The following MCC variants were observed in gnomAD, a reference collection of about 807,000 sequenced individuals.
The protein encoded by MCC is colorectal mutant cancer protein.
Under a neutral mutation model 116.2 loss-of-function variants are expected in MCC, and 90 were observed. The ratio of observed to expected loss-of-function variants is 0.77; its 90% CI spans 0.65 to 0.92. MCC has a LOEUF of 0.92. MCC is among the 40% of genes least tolerant of loss of function. The pLI, the probability that MCC is intolerant of heterozygous loss-of-function variation, is 0.00. For synonymous variants in MCC, 578 were observed against 510.5 expected (o/e 1.13, Z -1.78); for missense variants, 1,516 against 1,312.2 (o/e 1.16, Z -2.40).
intron 2 of MCC, among the ~76,000 whole-genome samples, chr5:113,352,839 T>A (rs994745001): frequency 2.6e-5 from 4 of 152,196 alleles, no homozygotes; most frequent in African/African-American, 9.6e-5. Flanking sequence ...AGAAGAAACT[T>A]TGTAAATACA....
intron 2 of MCC, among the ~76,000 whole-genome samples, chr5:113,354,595 C>T (rs918304405): frequency 6.6e-6 from 1 of 151,792 alleles, no homozygotes; most frequent in African/African-American, 2.4e-5. Context: ...CCACCACACC[C>T]AGCTAATTTT....
intron 3 of MCC, among the ~76,000 whole-genome samples, chr5:113,338,260 A>G (rs1449795240): frequency 6.6e-6 from 1 of 152,220 alleles, no homozygotes; most frequent in South Asian, 2.1e-4. Flanking sequence ...AGGAAATGTT[A>G]GGCAGTGTTC....
chr5:113,166,719 A>C (rs949499020), intron 3 of MCC, among the ~76,000 whole-genome samples: 61 of 148,666 alleles, frequency 4.1e-4, no homozygotes, highest in East Asian at 1.4e-3. Flanking sequence ...AAAAAAAAAA[A>C]AAACAACCAA....
chr5:113,155,796 T>C (rs1271210561), intron 3 of MCC, among the ~76,000 whole-genome samples: 3 of 152,208 alleles, frequency 2.0e-5, no homozygotes, highest in Non-Finnish European at 4.4e-5. Flanking sequence ...CCTCAACACA[T>C]ATTTCTCTTC....
At chr5:113,094,880 C>T (rs531175703) in intron 8 of MCC, among the ~76,000 whole-genome samples, 4 of 152,248 alleles carry the variant, frequency 2.6e-5, no homozygotes, top group South Asian at 2.1e-4. Flanking sequence ...TCACAATCTC[C>T]GTGGCTCAAG....
chr5:113,456,535 C>A (rs1771552147), intron 1 of MCC, among the ~76,000 whole-genome samples: 1 of 151,150 alleles, frequency 6.6e-6, no homozygotes, highest in African/African-American at 2.4e-5. Flanking sequence ...TGGCTCACTG[C>A]AAGCTCTGCC....
chr5:113,122,875 C>T, intron 5 of MCC, 49 bp from the exon 6 acceptor site: 1 of 1,579,262 alleles, frequency 6.3e-7, no homozygotes, highest in Non-Finnish European at 8.7e-7. Context: ...TATAAGACAA[C>T]CCCCTAGAGA....
intron 3 of MCC, among the ~76,000 whole-genome samples, chr5:113,170,155 A>T (rs1357539393): frequency 1.3e-5 from 2 of 152,234 alleles, no homozygotes; most frequent in African/African-American, 4.8e-5. Context: ...CTTCATAGAA[A>T]GAAGCTTGAC....
At chr5:113,331,785 C>T (rs986633967) in intron 3 of MCC, among the ~76,000 whole-genome samples, 1 of 101,242 alleles carries the variant, frequency 9.9e-6, no homozygotes, top group Non-Finnish European at 1.9e-5. Flanking sequence ...TACAGGCACC[C>T]GCCACCACAA....
In MCC at chr5:113,023,551, C is replaced by G. The variant is rs1286520932; in HGVS notation, c.*3751G>C. 2 of 152,226 alleles carry G rather than the reference C, an allele frequency of 1.3e-5. No homozygotes were observed. The highest frequency in any genetic ancestry group is 4.8e-5 in the African/African-American group (2 of 41,460). The allele number at this position is 152,226 out of a possible 1,614,324, so 9.4% of individuals were successfully genotyped here. The stretch of plus-strand genomic sequence containing the variant: ...CCCTAATTAAGGTCAGTGCAGAAAT[C>G]TCAACCATTACAGAAGTCTCTTACT... On this transcript the variant is annotated 3_prime_UTR_variant, in exon 19 of 19. Coordinates refer to ENST00000408903, the MANE Select transcript of MCC (RefSeq NM_001085377.2).
At chr5:113,085,348 C>T in intron 8 of MCC, 38 bp from the exon 9 acceptor site, 2 of 1,569,072 alleles carry the variant, frequency 1.3e-6, no homozygotes, top group Non-Finnish European at 1.7e-6. Flanking sequence ...TTGGTGGTTT[C>T]CCTGGCTAAA....
intron 3 of MCC, among the ~76,000 whole-genome samples, chr5:113,292,647 C>T (rs955370511): frequency 1.3e-5 from 2 of 152,152 alleles, no homozygotes; most frequent in Non-Finnish European, 2.9e-5. Context: ...TGCTCAAGGA[C>T]GTGCCAATAG....
intron 1 of MCC, among the ~76,000 whole-genome samples, chr5:113,407,507 G>A (rs1198216976): frequency 6.6e-6 from 1 of 152,180 alleles, no homozygotes; most frequent in Non-Finnish European, 1.5e-5. Flanking sequence ...TGGTGAGCCA[G>A]TGTCTCCCCT....
chr5:113,375,707 A>T (rs142801844), intron 2 of MCC, among the ~76,000 whole-genome samples: 58 of 151,964 alleles, frequency 3.8e-4, no homozygotes, highest in African/African-American at 1.3e-3. Context: ...AACTTTTGTT[A>T]GTCTAGTCCA....
At chr5:113,396,476 C>CAAA (rs10632667) in intron 1 of MCC, among the ~76,000 whole-genome samples, 40,443 of 143,710 alleles carry the variant, frequency 0.28, 5,919 homozygotes, top group African/African-American at 0.35. Context: ...ACTAACAATA[C>CAAA]AAAAAAAAAA....
intron 1 of MCC, among the ~76,000 whole-genome samples, chr5:113,412,559 T>C (rs1441614391): frequency 2.6e-5 from 4 of 152,184 alleles, no homozygotes; most frequent in Admixed American, 1.3e-4. Context: ...CACTCATAAT[T>C]TGGCTCTCTG....
chr5:113,054,752 T>G (rs1334096765), intron 14 of MCC, among the ~76,000 whole-genome samples: 1 of 151,904 alleles, frequency 6.6e-6, no homozygotes, highest in Non-Finnish European at 1.5e-5. Flanking sequence ...CAGCCCAAGG[T>G]GAATGGTGAC....
chr5:113,120,479 C>G (rs1404393942), intron 6 of MCC, among the ~76,000 whole-genome samples: 1 of 152,176 alleles, frequency 6.6e-6, no homozygotes, highest in Non-Finnish European at 1.5e-5. Context: ...TTATTAGAGC[C>G]TCCTCTGCCC....
intron 3 of MCC, among the ~76,000 whole-genome samples, chr5:113,245,101 G>C (rs549340042): frequency 6.6e-6 from 1 of 151,974 alleles, no homozygotes; most frequent in Non-Finnish European, 1.5e-5. Context: ...AGACCAGCCC[G>C]ACCAATATGA....
Sources: allele counts gnomAD v4.1 joint callset (sites outside exome capture counted in the v4.1 genomes callset), GRCh38; gene constraint gnomAD v4.1.1; transcripts MANE v1.5; gene names NCBI Gene and HGNC (gene_info 2026-07-23, HGNC 2026-07-21).